The following C9orf43 variants were observed in gnomAD, a reference collection of about 807,000 sequenced individuals.
C9orf43 encodes uncharacterized protein C9orf43.
In C9orf43, 45 loss-of-function variants were observed where a neutral mutation model predicts 59.1. The observed-to-expected ratio is 0.76, with a 90% CI of 0.60 to 0.98. The LOEUF is 0.98. C9orf43 is among the 50% of genes least tolerant of loss of function. C9orf43 has a pLI of 0.00. For synonymous variants in C9orf43, 203 were observed against 196.8 expected, an observed-to-expected ratio of 1.03 and a Z score of -0.26; for missense variants, 533 against 554.9, an observed-to-expected ratio of 0.96 and a Z score of 0.40.
chr9:113,426,167 C>T (rs1828785856), intron 11 of C9orf43, among the ~76,000 whole-genome samples: 1 of 152,166 alleles, frequency 6.6e-6, no homozygotes, highest in Non-Finnish European at 1.5e-5. Flanking sequence ...GGCCCCCTAA[C>T]CTTCCTGCCA....
chr9:113,413,795 A>T lies in C9orf43; in HGVS notation c.188A>T (p.Asp63Val), dbSNP rs759268837. 6.2e-7 allele frequency: 1 copy of T among 1,614,180 alleles called. No individual in the cohort carries two copies. The highest frequency in any genetic ancestry group is 8.5e-7 in the Non-Finnish European group (1 of 1,180,032). The change falls in exon 3 of 14, where the codon GAT becomes GTT. Residue 63 changes from aspartate (D) to valine (V), a missense_variant. Asp to Val is a radical substitution (Grantham distance 152, BLOSUM62 -3). Coordinates refer to ENST00000374165, the MANE Select transcript of C9orf43 (RefSeq NM_001278629.2). ...LPVLTVVDIL[D>V]SGFAAHHLPE... ...GTGCTCACCGTGGTAGACATCTTAG[A>T]TTCCGGCTTTGCAGCTCATCATTTA...
chr9:113,422,242 T>C (rs895468712), intron 5 of C9orf43, among the ~76,000 whole-genome samples: 7 of 152,190 alleles, frequency 4.6e-5, no homozygotes, highest in Non-Finnish European at 1.5e-5. Context: ...CACCTACATA[T>C]ATCATTTCTA....
At position 113,422,714 on chromosome 9, in the gene C9orf43, CT is replaced by C. The variant is rs367859342; in HGVS notation, c.483+131del. The C allele has an allele frequency of 3.4e-3, 3,505 of 1,035,502 alleles. 85 individuals carry two copies. In the African/African-American group the frequency reaches 0.051, roughly 15 times the overall value. The allele number at this position is 1,035,502 out of a possible 1,614,324, so 64.1% of individuals were successfully genotyped here. On this transcript the variant is annotated intron_variant, in intron 6 of 13. Coordinates refer to ENST00000374165, the MANE Select transcript of C9orf43 (RefSeq NM_001278629.2). ...TGATCCAAATCTGCTAAAGAAAACCCTTCTTTAGGAATAATTAACCAAACCA... is the reference window on the plus strand; with the variant it reads ...TGATCCAAATCTGCTAAAGAAAACCCTCTTTAGGAATAATTAACCAAACCA...
At chr9:113,413,238 C>G (rs1212284174) in intron 1 of C9orf43, among the ~76,000 whole-genome samples, 1 of 152,214 alleles carries the variant, frequency 6.6e-6, no homozygotes, top group Non-Finnish European at 1.5e-5. Flanking sequence ...ATTAGGAGAC[C>G]TGAAGTCCTG....
At chr9:113,413,733 TG>T in intron 2 of C9orf43, 25 bp from the exon 3 acceptor site, 1 of 1,612,974 alleles carries the variant, frequency 6.2e-7, no homozygotes, top group Non-Finnish European at 8.5e-7. Flanking sequence ...CAGGTTAACA[TG>T]TTTTCTTCTG....
Position 113,429,677 on chromosome 9 carries a change from C to T in C9orf43, c.*291C>T, listed in dbSNP as rs1382143170. On this transcript the variant is annotated 3_prime_UTR_variant, in exon 14 of 14. Transcript: ENST00000374165. ...TAATTTTGGTGATTAAACACAACTGCTTTTCAATCAAAAGACTTATTTTCT... is the reference window on the plus strand; with the variant it reads ...TAATTTTGGTGATTAAACACAACTGTTTTTCAATCAAAAGACTTATTTTCT... 1.6e-5 allele frequency: 5 copies of T among 315,016 alleles called. No homozygotes were observed. Among genetic ancestry groups the T allele is most frequent in the Non-Finnish European group, 2.9e-5 (5 of 172,156 alleles). 19.5% of individuals were successfully genotyped at this position (315,016 alleles called of 1,614,324 possible). A position where few individuals can be genotyped will look rare whatever the true frequency, so the allele number is the denominator to read the frequency against.
intron 11 of C9orf43, 60 bp from the exon 12 acceptor site, chr9:113,428,087 C>T: frequency 6.4e-7 from 1 of 1,567,380 alleles, no homozygotes; most frequent in Non-Finnish European, 8.8e-7. Context: ...ACCTAGAAGC[C>T]CCCAAATAGG....
chr9:113,422,525 T>C, intron 5 of C9orf43, 24 bp from the exon 6 acceptor site: 1 of 1,612,958 alleles, frequency 6.2e-7, no homozygotes, highest in Non-Finnish European at 8.5e-7. Flanking sequence ...ATGTTTTGTT[T>C]TGTTTTGTTT....
In C9orf43 at chr9:113,425,354, A is replaced by ACAG. The variant is rs1399410756; in HGVS notation, c.884_886dup (p.Gln295dup). ...CTCTCTGGTCACCAGGTTACAGGAA[A>ACAG]CAGCAGCAGCGGCAGCAGCAGCAGC... On this transcript the variant is annotated inframe_insertion, in exon 10 of 14. Transcript: ENST00000374165. 6.2e-7 allele frequency: 1 copy of ACAG among 1,613,788 alleles called. No homozygotes were observed. The highest frequency in any genetic ancestry group is 2.2e-5 in the East Asian group (1 of 44,872).
intron 3 of C9orf43, 70 bp downstream of exon 3, chr9:113,413,964 A>C: frequency 1.3e-6 from 2 of 1,484,872 alleles, no homozygotes; most frequent in East Asian, 2.3e-5. Flanking sequence ...TTCCTTATCC[A>C]TTAGTATACT....
intron 5 of C9orf43, among the ~76,000 whole-genome samples, chr9:113,421,506 T>A (rs1213265069): frequency 6.6e-6 from 1 of 152,008 alleles, no homozygotes; most frequent in East Asian, 1.9e-4. Context: ...TCTTAGTTTT[T>A]CTTATTAGCC....
chr9:113,418,020 A>G (rs904576183), intron 3 of C9orf43, among the ~76,000 whole-genome samples: 1 of 152,248 alleles, frequency 6.6e-6, no homozygotes, highest in Non-Finnish European at 1.5e-5. Flanking sequence ...GAAAAATAGC[A>G]AGTGATATGA....
intron 3 of C9orf43, among the ~76,000 whole-genome samples, chr9:113,415,057 C>T (rs547905470): frequency 7.2e-5 from 11 of 152,276 alleles, no homozygotes; most frequent in South Asian, 4.2e-4. Flanking sequence ...GTCTCAAACT[C>T]GTGACCTCAA....
chr9:113,413,629 C>T lies in C9orf43; in HGVS notation c.136C>T (p.Pro46Ser). 1 of 1,614,152 alleles carries T rather than the reference C, an allele frequency of 6.2e-7. No homozygotes were observed. Among genetic ancestry groups the T allele is most frequent in the Non-Finnish European group, 8.5e-7 (1 of 1,179,976 alleles). ...AATCCTCGGCTCATCCTGCAAAACTCCCCTGGATGCTGAAGGTGAATTAGC... is the reference window on the plus strand; with the variant it reads ...AATCCTCGGCTCATCCTGCAAAACTTCCCTGGATGCTGAAGGTGAATTAGC... ...PRILGSSCKT[P>S]LDAEDKLPVL... Residue 46 changes from proline (P) to serine (S), a missense_variant, in exon 2 of 14, where the codon CCC becomes TCC. Coordinates refer to ENST00000374165, the MANE Select transcript of C9orf43 (RefSeq NM_001278629.2).
chr9:113,424,154 T>C lies in C9orf43; in HGVS notation c.657-12T>C, dbSNP rs1342534493. Reference sequence around the variant, plus strand: ...TGTTGCTGACTGTCTGGCTGTCCTCTGTCCCCTTCAGACTTTTGCCAGGTG... The same window carrying C: ...TGTTGCTGACTGTCTGGCTGTCCTCCGTCCCCTTCAGACTTTTGCCAGGTG... On this transcript the variant is annotated splice_polypyrimidine_tract_variant and intron_variant, in intron 7 of 13. Coordinates refer to ENST00000374165, the MANE Select transcript of C9orf43 (RefSeq NM_001278629.2). 6.3e-7 allele frequency: 1 copy of C among 1,597,188 alleles called. No individual in the cohort carries two copies. The highest frequency in any genetic ancestry group is 8.5e-7 in the Non-Finnish European group (1 of 1,172,958).
rs142737667 is a variant in C9orf43 at position 113,414,498 on chromosome 9, C to T, written c.287+604C>T. Among the ~76,000 whole-genome samples, 409 of 151,518 alleles carry T rather than the reference C, an allele frequency of 2.7e-3. 2 individuals carry two copies. Among genetic ancestry groups the T allele is most frequent in the African/African-American group, 8.5e-3 (351 of 41,258 alleles). ...CGAGGTCTTGCTTTGTTGCCTGGGC[C>T]GGTCTTGAACTCCTGGCCTCAAGTG... is the stretch of plus-strand genomic sequence containing the variant. On this transcript the variant is annotated intron_variant, in intron 3 of 13. Coordinates refer to ENST00000374165, the MANE Select transcript of C9orf43 (RefSeq NM_001278629.2).
In C9orf43 at chr9:113,428,906, A is replaced by T. The variant is rs780002880; in HGVS notation, c.1114A>T (p.Thr372Ser). The change falls in exon 13 of 14, where the codon ACG becomes TCG. Residue 372 changes from threonine to serine, a missense_variant. Coordinates refer to ENST00000374165, the MANE Select transcript of C9orf43 (RefSeq NM_001278629.2). ...EKGTTSKQDS[T>S]ERPKMNYYDH... The stretch of plus-strand genomic sequence containing the variant: ...ATACCCCAATGAATTTCAGGATTCC[A>T]CGGAGAGACCAAAGATGAACTACTA... The T allele has an allele frequency of 2.2e-5, 35 of 1,613,500 alleles. No individual in the cohort carries two copies. Among genetic ancestry groups the T allele is most frequent in the Non-Finnish European group, 2.6e-5 (31 of 1,179,504 alleles).
Position 113,429,173 on chromosome 9 carries a change from T to A in C9orf43, c.1173T>A (p.Ser391Arg), listed in dbSNP as rs1564420114. 6.2e-7 allele frequency: 1 copy of A among 1,613,898 alleles called. No homozygotes were observed. The highest frequency in any genetic ancestry group is 1.3e-5 in the African/African-American group (1 of 75,010). The change falls in exon 14 of 14, where the codon AGT becomes AGA. Residue 391 changes from serine to arginine, a missense_variant and splice_region_variant. Ser to Arg is a moderately radical substitution (Grantham distance 110). Transcript: ENST00000374165. ...DHADFHHSVK[S>R]PELYETEPTN... Reference sequence around the variant, plus strand: ...ATTAATGACTGCATCTTCTTTTAGGTCCTGAATTGTATGAAACAGAACCCA... The same window carrying A: ...ATTAATGACTGCATCTTCTTTTAGGACCTGAATTGTATGAAACAGAACCCA...
chr9:113,411,231 T>C, intron 1 of C9orf43: 2 of 521,192 alleles, frequency 3.8e-6, no homozygotes, highest in Non-Finnish European at 2.5e-6. Flanking sequence ...ATTGTATTTA[T>C]TTTTCAGTTA....
Sources: gnomAD v4.1 joint callset for allele counts (sites outside exome capture counted in the v4.1 genomes callset) on GRCh38, gnomAD v4.1.1 for gene constraint, MANE v1.5 for transcripts, NCBI Gene and HGNC (gene_info 2026-07-23, HGNC 2026-07-21) for gene names.